The following DCC variants were observed in gnomAD, a reference collection of about 807,000 sequenced individuals.
DCC encodes the protein netrin receptor DCC.
DCC carries 58 observed loss-of-function variants against 172.5 expected under a neutral mutation model. That is an observed-to-expected ratio of 0.34 (90% CI 0.27 to 0.42). DCC has a LOEUF of 0.42. Among genes scored for constraint, DCC ranks in the 10% least tolerant of loss-of-function variants. The pLI, the probability that DCC is intolerant of heterozygous loss-of-function variation, is 1.00. For missense variants in DCC, 1,740 were observed against 1,791.0 expected, an observed-to-expected ratio of 0.97 and a Z score of 0.51; for synonymous variants, 709 against 644.5, an observed-to-expected ratio of 1.10 and a Z score of -1.52.
At chr18:52,863,521 A>G (rs1039130839) in intron 2 of DCC, among the ~76,000 whole-genome samples, 2 of 151,686 alleles carry the variant, frequency 1.3e-5, no homozygotes, top group African/African-American at 4.8e-5. Flanking sequence ...ATGAGCTTAA[A>G]CTCATATTTA....
At chr18:53,018,296 G>T (rs997456504) in intron 5 of DCC, among the ~76,000 whole-genome samples, 1 of 152,164 alleles carries the variant, frequency 6.6e-6, no homozygotes, top group African/African-American at 2.4e-5. Flanking sequence ...AGTGGTGTAT[G>T]CTACAGCGTC....
At chr18:52,791,697 G>C (rs1482085658) in intron 2 of DCC, among the ~76,000 whole-genome samples, 2 of 152,058 alleles carry the variant, frequency 1.3e-5, no homozygotes, top group African/African-American at 4.8e-5. Flanking sequence ...TTATGTGACA[G>C]TTGCATTTAA....
chr18:52,723,108 G>A (rs1000600279), intron 1 of DCC, among the ~76,000 whole-genome samples: 1 of 152,006 alleles, frequency 6.6e-6, no homozygotes, highest in Non-Finnish European at 1.5e-5. Flanking sequence ...ATTAGCTATC[G>A]CTACCCCTCC....
chr18:52,948,395 T>C (rs1277396372), intron 5 of DCC, among the ~76,000 whole-genome samples: 2 of 152,086 alleles, frequency 1.3e-5, no homozygotes, highest in East Asian at 1.9e-4. Flanking sequence ...ATGAATGATA[T>C]TGAACAATGA....
intron 7 of DCC, among the ~76,000 whole-genome samples, chr18:53,152,732 T>C (rs1300729122): frequency 2.0e-5 from 3 of 152,136 alleles, no homozygotes; most frequent in Non-Finnish European, 4.4e-5. Flanking sequence ...AGAAAAGAAG[T>C]CCTGATTGGT....
chr18:53,172,176 C>T (rs929009282), intron 8 of DCC, among the ~76,000 whole-genome samples: 5 of 152,104 alleles, frequency 3.3e-5, no homozygotes, highest in South Asian at 2.1e-4. Context: ...TGCAGCAACA[C>T]GGATGTAGTT....
chr18:53,080,231 G>T (rs942599649), intron 7 of DCC, among the ~76,000 whole-genome samples: 2 of 151,974 alleles, frequency 1.3e-5, no homozygotes, highest in Non-Finnish European at 2.9e-5. Context: ...TAGGAATTGG[G>T]GCTGTTTCCT....
intron 9 of DCC, among the ~76,000 whole-genome samples, chr18:53,195,676 C>T (rs1450287926): frequency 6.6e-6 from 1 of 151,748 alleles, no homozygotes; most frequent in African/African-American, 2.4e-5. Context: ...CCCATTCAAC[C>T]CATTCCTCCT....
chr18:52,989,071 T>C (rs2041340346), intron 5 of DCC, among the ~76,000 whole-genome samples: 1 of 152,152 alleles, frequency 6.6e-6, no homozygotes, highest in African/African-American at 2.4e-5. Context: ...TTTAAATTCT[T>C]ATAAATATTT....
At chr18:53,061,364 A>G (rs544605347) in intron 5 of DCC, among the ~76,000 whole-genome samples, 1 of 152,148 alleles carries the variant, frequency 6.6e-6, no homozygotes, top group East Asian at 1.9e-4. Context: ...TTGTATACAT[A>G]CGTAAACGTA....
chr18:52,845,902 T>C (rs533888144), intron 2 of DCC, among the ~76,000 whole-genome samples: 1 of 150,960 alleles, frequency 6.6e-6, no homozygotes, highest in African/African-American at 2.4e-5. Flanking sequence ...AGTCCCTCCT[T>C]AGAGGTTAGT....
intron 8 of DCC, among the ~76,000 whole-genome samples, chr18:53,160,534 G>A (rs2054819968): frequency 6.6e-6 from 1 of 152,146 alleles, no homozygotes; most frequent in Non-Finnish European, 1.5e-5. Flanking sequence ...TCAAGTAAAT[G>A]TAACTTTCTA....
intron 2 of DCC, among the ~76,000 whole-genome samples, chr18:52,789,743 A>T (rs967156163): frequency 1.3e-5 from 2 of 151,898 alleles, no homozygotes; most frequent in African/African-American, 4.8e-5. Flanking sequence ...GACCCAAACA[A>T]CTCCATTTTG....
chr18:53,431,141 C>A (rs1298852468), intron 21 of DCC, among the ~76,000 whole-genome samples: 1 of 152,004 alleles, frequency 6.6e-6, no homozygotes, highest in Non-Finnish European at 1.5e-5. Flanking sequence ...CAGCTACAAA[C>A]TCCCTCTGTT....
chr18:52,561,198 G>A (rs971115266), intron 1 of DCC, among the ~76,000 whole-genome samples: 6 of 151,894 alleles, frequency 4.0e-5, no homozygotes, highest in Non-Finnish European at 8.8e-5. Context: ...TGGTGTGAAT[G>A]CCTAAATATG....
intron 1 of DCC, among the ~76,000 whole-genome samples, chr18:52,430,005 A>C (rs975689246): frequency 6.6e-6 from 1 of 152,134 alleles, no homozygotes; most frequent in African/African-American, 2.4e-5. Flanking sequence ...AGAAAGATAC[A>C]AGCTGTACAG....
intron 1 of DCC, among the ~76,000 whole-genome samples, chr18:52,403,514 G>A (rs1986519340): frequency 1.3e-5 from 2 of 151,996 alleles, no homozygotes; most frequent in African/African-American, 4.8e-5. Flanking sequence ...CTCTCCTAAA[G>A]AGCCATTGGT....
At chr18:52,730,919 A>C (rs1167807492) in intron 1 of DCC, among the ~76,000 whole-genome samples, 1 of 152,216 alleles carries the variant, frequency 6.6e-6, no homozygotes, top group Non-Finnish European at 1.5e-5. Flanking sequence ...AAGTCTGCTT[A>C]ATCATTATAT....
intron 15 of DCC, among the ~76,000 whole-genome samples, chr18:53,347,149 G>T (rs1457933300): frequency 6.6e-6 from 1 of 152,116 alleles, no homozygotes; most frequent in Non-Finnish European, 1.5e-5. Flanking sequence ...TACTTTCAGT[G>T]ATTCTTCTGG....
Sources: gnomAD v4.1 joint callset for allele counts (sites outside exome capture counted in the v4.1 genomes callset) on GRCh38, gnomAD v4.1.1 for gene constraint, MANE v1.5 for transcripts, NCBI Gene and HGNC (gene_info 2026-07-23, HGNC 2026-07-21) for gene names.